Variants in CHST8 observed in about 807,000 individuals in gnomAD.
The protein encoded by CHST8 is GALNAC-4-ST1.
CHST8 carries 10 observed loss-of-function variants against 15.0 expected under a neutral mutation model. The observed-to-expected ratio is 0.67, with a 90% CI of 0.41 to 1.13. CHST8 has a LOEUF of 1.13. Ranked by LOEUF, CHST8 falls within the 50% of genes most tolerant of loss-of-function variation. The pLI is 0.00. For missense variants in CHST8, 634 were observed against 608.2 expected (o/e 1.04, Z -0.45); for synonymous variants, 259 against 256.6 (o/e 1.01, Z -0.09).
intron 3 of CHST8, among the ~76,000 whole-genome samples, chr19:33,746,051 G>A (rs1974307786): frequency 6.6e-6 from 1 of 152,144 alleles, no homozygotes; most frequent in Non-Finnish European, 1.5e-5. Context: ...ATTGTAGCTG[G>A]TGTTATTGAA....
At chr19:33,719,257 G>A (rs1973732257) in intron 3 of CHST8, among the ~76,000 whole-genome samples, 1 of 151,760 alleles carries the variant, frequency 6.6e-6, no homozygotes, top group African/African-American at 2.4e-5. Context: ...GGTGGGCCGG[G>A]TGGGGGAGCC....
chr19:33,693,847 A>G (rs4558518), intron 3 of CHST8, among the ~76,000 whole-genome samples: 54,605 of 151,222 alleles, frequency 0.36, 10,292 homozygotes, highest in Middle Eastern at 0.48. Flanking sequence ...TGGCTGTCTT[A>G]TGTTATCAGC....
chr19:33,765,554 T>TGTGTGTGTGTGTGTGA (rs1568362712), intron 3 of CHST8, among the ~76,000 whole-genome samples: 1 of 102,800 alleles, frequency 9.7e-6, no homozygotes, highest in African/African-American at 3.9e-5. Context: ...TGTGTGTGTG[T>TGTGTGTGTGTGTGTGA]CAGAGAGAGA....
At position 33,729,352 on chromosome 19, in the gene CHST8, G is replaced by A. The variant is rs74556940; in HGVS notation, c.130+39961G>A. Reference sequence around the variant, plus strand: ...AGTTCCTTGCCATGTGGGCCTCTCCGTAGCACAGTTCATGGCATAGGAGCT... The same window carrying A: ...AGTTCCTTGCCATGTGGGCCTCTCCATAGCACAGTTCATGGCATAGGAGCT... On this transcript the variant is annotated intron_variant, in intron 3 of 4. Coordinates refer to ENST00000650847, the MANE Select transcript of CHST8 (RefSeq NM_001127895.2). 1.1e-3 allele frequency among the ~76,000 whole-genome samples: 168 copies of A among 152,352 alleles called. 3 individuals are homozygous for A. The East Asian group carries it at 0.03, about 27-fold the overall frequency.
intron 3 of CHST8, among the ~76,000 whole-genome samples, chr19:33,713,244 C>T (rs1315624481): frequency 1.3e-5 from 2 of 152,216 alleles, no homozygotes; most frequent in African/African-American, 4.8e-5. Flanking sequence ...TCGCTACCCA[C>T]AGCAGTCTGT....
At chr19:33,647,626 G>A (rs371187210) in intron 1 of CHST8, among the ~76,000 whole-genome samples, 6 of 151,982 alleles carry the variant, frequency 3.9e-5, no homozygotes, top group East Asian at 3.9e-4. Flanking sequence ...CGGGTGGATC[G>A]CTTGAGGACA....
intron 3 of CHST8, among the ~76,000 whole-genome samples, chr19:33,731,507 A>G (rs1973991626): frequency 1.3e-5 from 2 of 152,168 alleles, no homozygotes; most frequent in South Asian, 2.1e-4. Context: ...TTTCATCACC[A>G]TCTTGGATTT....
At chr19:33,642,195 C>T (rs559056657) in intron 1 of CHST8, among the ~76,000 whole-genome samples, 2 of 152,232 alleles carry the variant, frequency 1.3e-5, no homozygotes, top group African/African-American at 2.4e-5. Context: ...AAGCCCTCAC[C>T]TCTGGGACTG....
chr19:33,650,518 C>CTTTTTT lies in CHST8; in HGVS notation c.-163-17225_-163-17220dup, dbSNP rs869057036. Among the ~76,000 whole-genome samples, 35 of 36,112 alleles carry CTTTTTT rather than the reference C, an allele frequency of 9.7e-4. 1 individual carries two copies. Among genetic ancestry groups the CTTTTTT allele is most frequent in the South Asian group, 1.1e-3 (1 of 870 alleles). 23.7% of individuals were successfully genotyped at this position (36,112 alleles called of 152,430 possible). A position where few individuals can be genotyped will look rare whatever the true frequency, so the allele number is the denominator to read the frequency against. The stretch of plus-strand genomic sequence containing the variant: ...TTCTTTTTCTTTTTCTTTTTCTTTT[C>CTTTTTT]TTTTTTTTTTTTTTTTTTTTTTTTT... On this transcript the variant is annotated intron_variant, in intron 1 of 4. Transcript: ENST00000650847.
rs112324129 is a variant in CHST8, at chr19:33,653,616, C to G, written c.-163-14151C>G. Among the ~76,000 whole-genome samples, 641 of 152,212 alleles carry G rather than the reference C, an allele frequency of 4.2e-3. 5 individuals carry two copies. The highest frequency in any genetic ancestry group is 0.015 in the African/African-American group (613 of 41,506). ...CACATGTATGAAGGACAGTAAAGCA[C>G]GGTGGTTAAGAACACGGACTCTGGA... is the stretch of plus-strand genomic sequence containing the variant. On this transcript the variant is annotated intron_variant, in intron 1 of 4. Coordinates refer to ENST00000650847, the MANE Select transcript of CHST8 (RefSeq NM_001127895.2).
At chr19:33,685,866 C>T (rs1972969734) in intron 2 of CHST8, among the ~76,000 whole-genome samples, 1 of 152,190 alleles carries the variant, frequency 6.6e-6, no homozygotes, top group Non-Finnish European at 1.5e-5. Flanking sequence ...CCCTGGAATG[C>T]CCGGGGATCT....
intron 1 of CHST8, among the ~76,000 whole-genome samples, chr19:33,664,161 G>A (rs534197250): frequency 3.9e-5 from 6 of 152,228 alleles, no homozygotes; most frequent in African/African-American, 1.4e-4. Context: ...TGTATTGTTT[G>A]AAGTTTTTTC....
chr19:33,726,108 C>T (rs1054349667), intron 3 of CHST8, among the ~76,000 whole-genome samples: 5 of 152,198 alleles, frequency 3.3e-5, no homozygotes, highest in Non-Finnish European at 1.5e-5. Context: ...CTTCAGCAAC[C>T]GGGCAGAAGG....
At chr19:33,751,927 C>T (rs113610684) in intron 3 of CHST8, among the ~76,000 whole-genome samples, 2,081 of 152,320 alleles carry the variant, frequency 0.014, 39 homozygotes, top group African/African-American at 0.046. Context: ...CCTCCAACGG[C>T]GCCAGGAGGG....
At chr19:33,694,936 C>T (rs949859541) in intron 3 of CHST8, among the ~76,000 whole-genome samples, 6 of 114,540 alleles carry the variant, frequency 5.2e-5, no homozygotes, top group Non-Finnish European at 1.3e-4. Flanking sequence ...CCCTCCCCTC[C>T]CCTCCCTTCC....
chr19:33,650,481 CT>C (rs1290110562), intron 1 of CHST8, among the ~76,000 whole-genome samples: 1 of 62,890 alleles, frequency 1.6e-5, no homozygotes, highest in African/African-American at 5.5e-5. Context: ...ATACAAGTTT[CT>C]TTTTTTTCTT....
intron 4 of CHST8, among the ~76,000 whole-genome samples, 193 bp from the exon 5 acceptor site, chr19:33,771,760 CACTT>C (rs1267611313): frequency 6.6e-6 from 1 of 152,118 alleles, no homozygotes; most frequent in Admixed American, 6.5e-5. Context: ...GCCGAAATGA[CACTT>C]ACACCTCAGC....
At chr19:33,696,287 A>G (rs971493215) in intron 3 of CHST8, among the ~76,000 whole-genome samples, 16 of 152,100 alleles carry the variant, frequency 1.1e-4, no homozygotes, top group Non-Finnish European at 5.9e-5. Context: ...TCCTGGATTG[A>G]ATGGTAGTTC....
chr19:33,656,784 C>T (rs145586975), intron 1 of CHST8, among the ~76,000 whole-genome samples: 2,062 of 152,210 alleles, frequency 0.014, 42 homozygotes, highest in African/African-American at 0.046. Context: ...AGTGACCCTC[C>T]TGCCTTGACC....
Sources: allele counts gnomAD v4.1 joint callset (sites outside exome capture counted in the v4.1 genomes callset), GRCh38; gene constraint gnomAD v4.1.1; transcripts MANE v1.5; gene names NCBI Gene and HGNC (gene_info 2026-07-23, HGNC 2026-07-21).